The following LRRC8B variants were observed in gnomAD, a reference collection of about 807,000 sequenced individuals.
LRRC8B encodes the protein leucine rich repeat containing 8 VRAC subunit B, also known as volume-regulated anion channel subunit LRRC8B.
A neutral mutation model predicts 58.8 loss-of-function variants in LRRC8B; 23 were observed. The ratio of observed to expected loss-of-function variants is 0.39; its 90% CI spans 0.28 to 0.55. The LOEUF (loss-of-function observed/expected upper bound fraction) is 0.55. Ranked by LOEUF, LRRC8B falls within the 20% of genes least tolerant of loss-of-function variation. The pLI is 0.62. For missense variants in LRRC8B, 694 were observed against 936.0 expected (o/e 0.74, Z 3.37); for synonymous variants, 359 against 374.1 (o/e 0.96, Z 0.47).
chr1:89,570,948 C>T (rs879641734), intron 3 of LRRC8B, among the ~76,000 whole-genome samples: 1 of 152,074 alleles, frequency 6.6e-6, no homozygotes, highest in East Asian at 1.9e-4. Context: ...GCCAGTTATC[C>T]GAGCACCATT....
At chr1:89,557,111 G>C (rs1300839065) in intron 1 of LRRC8B, among the ~76,000 whole-genome samples, 1 of 152,176 alleles carries the variant, frequency 6.6e-6, no homozygotes, top group Admixed American at 6.5e-5. Flanking sequence ...ATTTGGAGAA[G>C]AATTTTCTAC....
intron 1 of LRRC8B, among the ~76,000 whole-genome samples, chr1:89,554,457 T>C (rs372615031): frequency 6.6e-6 from 1 of 152,222 alleles, no homozygotes; most frequent in Non-Finnish European, 1.5e-5. Flanking sequence ...CTTGTACTTA[T>C]GCCTTCTTTC....
chr1:89,592,670 C>G, intron 5 of LRRC8B, 101 bp from the exon 6 acceptor site: 1 of 1,025,610 alleles, frequency 9.8e-7, no homozygotes, highest in East Asian at 2.4e-5. Flanking sequence ...TTATAAACCT[C>G]CAGAAATGTT....
chr1:89,551,769 G>A lies in LRRC8B; in HGVS notation c.-240-16478G>A, dbSNP rs75108291. ...TGGCCTGCCTCAATACTTTTGGTGCGTCCACAGACAAGCTCTGAATGAGAC... is the reference window on the plus strand; with the variant it reads ...TGGCCTGCCTCAATACTTTTGGTGCATCCACAGACAAGCTCTGAATGAGAC... On this transcript the variant is annotated intron_variant, in intron 1 of 5. Coordinates refer to ENST00000330947, the MANE Select transcript of LRRC8B (RefSeq NM_001369817.2). 3.7e-3 allele frequency among the ~76,000 whole-genome samples: 563 copies of A among 152,222 alleles called. 5 individuals carry two copies. The highest frequency in any genetic ancestry group is 0.03 in the East Asian group (153 of 5,182).
intron 1 of LRRC8B, among the ~76,000 whole-genome samples, chr1:89,561,137 G>T (rs61799534): frequency 0.2 from 30,781 of 151,380 alleles, 3,483 homozygotes; most frequent in South Asian, 0.32. Flanking sequence ...CTGATGGCCA[G>T]TGATGATGAG....
chr1:89,524,892 C>T lies in LRRC8B; in HGVS notation c.-371C>T, dbSNP rs996791287. The stretch of plus-strand genomic sequence containing the variant: ...TCGGAGGCGGCGAGCCGGACAGCGC[C>T]GGGGCTTCCCGCTGAGCCCGCAGCC... On this transcript the variant is annotated 5_prime_UTR_variant, in exon 1 of 6. Transcript: ENST00000330947. 6.6e-6 allele frequency: 1 copy of T among 152,252 alleles called. No homozygotes were observed. Among genetic ancestry groups the T allele is most frequent in the Non-Finnish European group, 1.5e-5 (1 of 68,102 alleles). 9.4% of individuals were successfully genotyped at this position (152,252 alleles called of 1,614,324 possible). A position where few individuals can be genotyped will look rare whatever the true frequency, so the allele number is the denominator to read the frequency against.
intron 1 of LRRC8B, among the ~76,000 whole-genome samples, chr1:89,553,516 G>A (rs1413476653): frequency 6.6e-6 from 1 of 152,006 alleles, no homozygotes; most frequent in East Asian, 1.9e-4. Flanking sequence ...CAAAATCTTT[G>A]CCTATTCTAA....
intron 1 of LRRC8B, among the ~76,000 whole-genome samples, chr1:89,530,927 T>C (rs1467443754): frequency 1.3e-5 from 2 of 152,134 alleles, no homozygotes; most frequent in East Asian, 1.9e-4. Context: ...CTCTAATCCC[T>C]GTAACAGCCT....
At chr1:89,589,717 G>A (rs532467865) in intron 5 of LRRC8B, among the ~76,000 whole-genome samples, 2 of 151,330 alleles carry the variant, frequency 1.3e-5, no homozygotes, top group South Asian at 4.2e-4. Context: ...TGAAATGATT[G>A]GACTTTAGGG....
chr1:89,533,887 T>C (rs535077066), intron 1 of LRRC8B, among the ~76,000 whole-genome samples: 3 of 152,312 alleles, frequency 2.0e-5, no homozygotes, highest in African/African-American at 7.2e-5. Flanking sequence ...TCCTTGAAGG[T>C]TGGAAGTAAC....
At chr1:89,529,470 C>T (rs1246056793) in intron 1 of LRRC8B, among the ~76,000 whole-genome samples, 1 of 146,438 alleles carries the variant, frequency 6.8e-6, no homozygotes, top group African/African-American at 2.5e-5. Context: ...CCTCAGTATG[C>T]AACCATAGTC....
chr1:89,589,692 T>C (rs965381751), intron 5 of LRRC8B, among the ~76,000 whole-genome samples: 3 of 151,758 alleles, frequency 2.0e-5, no homozygotes, highest in Non-Finnish European at 2.9e-5. Context: ...AACAGAAATA[T>C]TCAGCTGTGT....
chr1:89,554,077 A>T (rs115974324), intron 1 of LRRC8B, among the ~76,000 whole-genome samples: 2,606 of 152,244 alleles, frequency 0.017, 83 homozygotes, highest in African/African-American at 0.058. Flanking sequence ...TCTGGGCCTG[A>T]GTTAAATCTT....
At chr1:89,553,151 G>C (rs1057047691) in intron 1 of LRRC8B, among the ~76,000 whole-genome samples, 1 of 152,124 alleles carries the variant, frequency 6.6e-6, no homozygotes, top group African/African-American at 2.4e-5. Flanking sequence ...TAAAATTTCT[G>C]ACATGTAAAT....
At chr1:89,552,374 A>G (rs960538748) in intron 1 of LRRC8B, among the ~76,000 whole-genome samples, 2 of 151,212 alleles carry the variant, frequency 1.3e-5, no homozygotes, top group Non-Finnish European at 2.9e-5. Context: ...TCATGATCCT[A>G]CTTAGTATCC....
In LRRC8B at chr1:89,570,308, C is replaced by A. The variant is rs77490947; in HGVS notation, c.-125+1815C>A. Among the ~76,000 whole-genome samples, 1,408 of 152,278 alleles carry A rather than the reference C, an allele frequency of 9.2e-3. 22 individuals are homozygous for A. The highest frequency in any genetic ancestry group is 0.032 in the African/African-American group (1,335 of 41,560). ...TGAGGTATTGCCACATTGTCTTCTA[C>A]AATGGTTGAACTAATTTACACTCTC... is the stretch of plus-strand genomic sequence containing the variant. On this transcript the variant is annotated intron_variant, in intron 3 of 5. Coordinates refer to ENST00000330947, the MANE Select transcript of LRRC8B (RefSeq NM_001369817.2).
At chr1:89,580,227 G>C (rs555990169) in intron 4 of LRRC8B, among the ~76,000 whole-genome samples, 1 of 152,292 alleles carries the variant, frequency 6.6e-6, no homozygotes, top group South Asian at 2.1e-4. Flanking sequence ...TCCTCTGTAG[G>C]AAACGGTTTA....
intron 1 of LRRC8B, among the ~76,000 whole-genome samples, chr1:89,555,317 A>G (rs922108432): frequency 2.0e-5 from 3 of 152,186 alleles, no homozygotes; most frequent in African/African-American, 7.2e-5. Context: ...ATGGGGCTCA[A>G]ATGGAGTCTT....
chr1:89,561,602 A>G (rs1400021593), intron 1 of LRRC8B, among the ~76,000 whole-genome samples: 1 of 97,258 alleles, frequency 1.0e-5, no homozygotes, highest in African/African-American at 4.1e-5. Flanking sequence ...AGCTTCCTAC[A>G]TATGGCTAGC....
Sources: allele counts gnomAD v4.1 joint callset (sites outside exome capture counted in the v4.1 genomes callset), GRCh38; gene constraint gnomAD v4.1.1; transcripts MANE v1.5; gene names NCBI Gene and HGNC (gene_info 2026-07-23, HGNC 2026-07-21).